RORA: variants seen among roughly 807,000 people sequenced by gnomAD.
The protein encoded by RORA is RAR related orphan receptor A, also known as nuclear receptor ROR-alpha.
Under a neutral mutation model 69.5 loss-of-function variants are expected in RORA, and 7 were observed. The observed-to-expected ratio is 0.10, with a 90% CI of 0.06 to 0.19. The LOEUF is 0.19. Among genes scored for constraint, RORA ranks in the 10% least tolerant of loss-of-function variants. RORA has a pLI of 1.00. For synonymous variants in RORA, 261 were observed against 240.8 expected (o/e 1.08, Z -0.78); for missense variants, 457 against 663.0 (o/e 0.69, Z 3.41).
chr15:61,204,415 C>T (rs895023810), intron 1 of RORA, among the ~76,000 whole-genome samples: 28 of 152,158 alleles, frequency 1.8e-4, no homozygotes, highest in African/African-American at 6.3e-4. Context: ...TAAATCAACA[C>T]AGGTATAAGG....
chr15:61,135,462 C>A (rs1170702886), intron 1 of RORA, among the ~76,000 whole-genome samples: 1 of 151,716 alleles, frequency 6.6e-6, no homozygotes, highest in Non-Finnish European at 1.5e-5. Context: ...ACACAAACTA[C>A]CAATAAAGCC....
intron 1 of RORA, among the ~76,000 whole-genome samples, chr15:60,794,147 T>C (rs2072456896): frequency 6.6e-6 from 1 of 152,180 alleles, no homozygotes; most frequent in Non-Finnish European, 1.5e-5. Context: ...TGGTAACAGG[T>C]CTACTTAAAA....
rs1309348222 is a variant in RORA at position 60,590,326 on chromosome 15, T to G, written c.197-58475A>C. ...GGTCACTCCAAGTGTGGGGGTAGCG[T>G]GTGTGATTCTTATTATTCTATTAGC... is the stretch of plus-strand genomic sequence containing the variant. On this transcript the variant is annotated intron_variant, in intron 2 of 10. Transcript: ENST00000335670. 3.9e-5 allele frequency among the ~76,000 whole-genome samples: 6 copies of G among 152,306 alleles called. 1 individual carries two copies. The highest frequency in any genetic ancestry group is 6.8e-3 in the Middle Eastern group (2 of 294).
At position 61,164,154 on chromosome 15, in the gene RORA, A is replaced by C. The variant is rs568664105; in HGVS notation, c.166+64899T>G. 7.7e-3 allele frequency among the ~76,000 whole-genome samples: 1,174 copies of C among 152,290 alleles called. 7 individuals are homozygous for C. The highest frequency in any genetic ancestry group is 0.011 in the Non-Finnish European group (751 of 68,032). On this transcript the variant is annotated intron_variant, in intron 1 of 10. Transcript: ENST00000335670. ...TCAGTGGCCTGTATCAAAAAAAAAA[A>C]AACATGTGGAGCCTGTAGTCTTAAC...
chr15:60,994,685 A>G (rs1894474417), intron 1 of RORA, among the ~76,000 whole-genome samples: 1 of 152,250 alleles, frequency 6.6e-6, no homozygotes. Context: ...CCAGAAATCA[A>G]GTGGTCCAAG....
chr15:61,115,421 C>T (rs916777768), intron 1 of RORA, among the ~76,000 whole-genome samples: 9 of 152,240 alleles, frequency 5.9e-5, no homozygotes, highest in Non-Finnish European at 1.3e-4. Context: ...GGACATGCTG[C>T]ACCACACAGC....
At chr15:60,638,145 A>T (rs1022133445) in intron 2 of RORA, among the ~76,000 whole-genome samples, 1 of 152,196 alleles carries the variant, frequency 6.6e-6, no homozygotes, top group Non-Finnish European at 1.5e-5. Context: ...TGTTAAAAAG[A>T]TCCTCTCTCT....
chr15:61,165,916 T>C (rs2079536616), intron 1 of RORA, among the ~76,000 whole-genome samples: 1 of 152,248 alleles, frequency 6.6e-6, no homozygotes, highest in African/African-American at 2.4e-5. Flanking sequence ...AGCTTACAGA[T>C]ACAAAATGTG....
At chr15:60,661,421 T>C (rs1030931898) in intron 2 of RORA, among the ~76,000 whole-genome samples, 1 of 152,220 alleles carries the variant, frequency 6.6e-6, no homozygotes, top group Non-Finnish European at 1.5e-5. Context: ...GTAATTATTA[T>C]GGTAATACCC....
chr15:60,618,938 G>A (rs1430280206), intron 2 of RORA, among the ~76,000 whole-genome samples: 1 of 152,162 alleles, frequency 6.6e-6, no homozygotes, highest in Non-Finnish European at 1.5e-5. Flanking sequence ...AAAAGGGAGT[G>A]GTCTTCACAA....
chr15:60,831,532 T>C (rs533699110), intron 1 of RORA, among the ~76,000 whole-genome samples: 1 of 152,322 alleles, frequency 6.6e-6, no homozygotes, highest in South Asian at 2.1e-4. Flanking sequence ...TCCTTACATT[T>C]GCTATAGGTG....
chr15:61,227,638 C>G (rs1298349656), intron 1 of RORA, among the ~76,000 whole-genome samples: 1 of 151,980 alleles, frequency 6.6e-6, no homozygotes, highest in Non-Finnish European at 1.5e-5. Context: ...CCTCCAACTA[C>G]AACATCGAGA....
chr15:61,051,506 C>T (rs567953786), intron 1 of RORA, among the ~76,000 whole-genome samples: 5 of 152,270 alleles, frequency 3.3e-5, no homozygotes, highest in Admixed American at 1.3e-4. Flanking sequence ...TGATCCCCTG[C>T]GAAAAGAATC....
At chr15:61,193,342 CAA>C in intron 1 of RORA, among the ~76,000 whole-genome samples, 1 of 152,330 alleles carries the variant, frequency 6.6e-6, no homozygotes, top group East Asian at 1.9e-4. Context: ...CAGCCCTGCA[CAA>C]AGTTATACTG....
At chr15:60,678,599 C>T (rs1157254890) in intron 2 of RORA, 58 bp downstream of exon 2, 4 of 1,262,790 alleles carry the variant, frequency 3.2e-6, no homozygotes, top group Non-Finnish European at 3.5e-6. Context: ...AGCAGCCAGA[C>T]ATATGCGAAT....
chr15:60,845,027 C>T (rs2073247599), intron 1 of RORA, among the ~76,000 whole-genome samples: 1 of 114,238 alleles, frequency 8.8e-6, no homozygotes, highest in African/African-American at 2.9e-5. Flanking sequence ...TTGTGGGTGC[C>T]AGTGTGTGAG....
chr15:60,874,226 C>T (rs565139615), intron 1 of RORA, among the ~76,000 whole-genome samples: 8 of 151,990 alleles, frequency 5.3e-5, no homozygotes, highest in Non-Finnish European at 1.0e-4. Flanking sequence ...TAAAATTCTG[C>T]TTATTTGCAG....
chr15:60,981,326 T>G (rs1426214137), intron 1 of RORA, among the ~76,000 whole-genome samples: 1 of 152,120 alleles, frequency 6.6e-6, no homozygotes, highest in Non-Finnish European at 1.5e-5. Context: ...TCATTGAGCT[T>G]TTTGTATGTA....
In RORA at chr15:60,534,477, T is replaced by C. The variant is rs1376609991; in HGVS notation, c.197-2626A>G. On this transcript the variant is annotated intron_variant, in intron 2 of 10. Coordinates refer to ENST00000335670, the MANE Select transcript of RORA (RefSeq NM_134261.3). The surrounding 1 kb of genome is among the most constrained non-coding windows in gnomAD (Gnocchi z 5.0). ...ATAAATGGACTCACTGTAGATTGAC[T>C]TGTATTTCCAAACAGGGGGGCCATT... Among the ~76,000 whole-genome samples the C allele has an allele frequency of 6.6e-6, 1 of 150,740 alleles. No individual in the cohort carries two copies. The highest frequency in any genetic ancestry group is 2.5e-5 in the African/African-American group (1 of 40,060).
Sources: gnomAD v4.1 joint callset for allele counts (sites outside exome capture counted in the v4.1 genomes callset) on GRCh38, gnomAD v4.1.1 for gene constraint, Gnocchi (gnomAD v3.1) non-coding constraint, MANE v1.5 for transcripts, NCBI Gene and HGNC (gene_info 2026-07-23, HGNC 2026-07-21) for gene names.